MAGI2: variants seen among roughly 807,000 people sequenced by gnomAD.
MAGI2 encodes the protein membrane-associated guanylate kinase, WW and PDZ domain-containing protein 2.
A neutral mutation model predicts 133.3 loss-of-function variants in MAGI2; 35 were observed. The ratio of observed to expected loss-of-function variants is 0.26; its 90% CI spans 0.20 to 0.35. The LOEUF (loss-of-function observed/expected upper bound fraction) is 0.35, where lower values mean the gene tolerates loss of function less well. Among genes scored for constraint, MAGI2 ranks in the 10% least tolerant of loss-of-function variants. The probability of loss-of-function intolerance (pLI) is 1.00; values close to 1 mark genes in which losing one functional copy is unlikely to be tolerated. For synonymous variants in MAGI2, 729 were observed against 710.6 expected, an observed-to-expected ratio of 1.03 and a Z score of -0.41; for missense variants, 1,636 against 1,863.4, an observed-to-expected ratio of 0.88 and a Z score of 2.25.
chr7:79,002,728 G>A (rs145053332), intron 2 of MAGI2, among the ~76,000 whole-genome samples: 3 of 151,656 alleles, frequency 2.0e-5, no homozygotes, highest in East Asian at 3.9e-4. Context: ...CTGCACAATT[G>A]TCTTCTTAAG....
intron 2 of MAGI2, among the ~76,000 whole-genome samples, chr7:78,776,426 C>T (rs928797051): frequency 2.0e-5 from 3 of 152,182 alleles, no homozygotes; most frequent in African/African-American, 7.2e-5. Flanking sequence ...TCTCTTGAGA[C>T]ATTTATGATC....
intron 1 of MAGI2, among the ~76,000 whole-genome samples, chr7:79,436,810 T>C (rs1848174449): frequency 6.6e-6 from 1 of 152,140 alleles, no homozygotes; most frequent in Non-Finnish European, 1.5e-5. Flanking sequence ...GTAATAAAAA[T>C]AGAATTTCCA....
intron 20 of MAGI2, among the ~76,000 whole-genome samples, chr7:78,110,441 A>C (rs1002942203): frequency 3.9e-5 from 6 of 152,200 alleles, no homozygotes; most frequent in Non-Finnish European, 8.8e-5. Context: ...ATGAAAAATG[A>C]ATGCGCTGAA....
chr7:78,428,838 C>G (rs1478837094), intron 6 of MAGI2, among the ~76,000 whole-genome samples: 7 of 152,180 alleles, frequency 4.6e-5, no homozygotes, highest in African/African-American at 1.4e-4. Context: ...GACTGCCAAG[C>G]TATTTTCCAA....
intron 2 of MAGI2, among the ~76,000 whole-genome samples, chr7:78,943,230 A>C (rs750927657): frequency 1.9e-4 from 29 of 152,176 alleles, no homozygotes; most frequent in Non-Finnish European, 4.0e-4. Flanking sequence ...GGATATTTGA[A>C]GAACATTAAA....
At chr7:78,659,098 T>C (rs1729583234) in intron 2 of MAGI2, among the ~76,000 whole-genome samples, 1 of 152,126 alleles carries the variant, frequency 6.6e-6, no homozygotes, top group Admixed American at 6.6e-5. Flanking sequence ...TTAAACGAAC[T>C]ATGGTACAAC....
chr7:78,466,869 T>C (rs1790689384), intron 6 of MAGI2, among the ~76,000 whole-genome samples: 1 of 152,164 alleles, frequency 6.6e-6, no homozygotes, highest in Admixed American at 6.5e-5. Context: ...CCTCACTCAC[T>C]GCATCCTGTT....
chr7:78,597,639 TA>T (rs1554492527), intron 3 of MAGI2, among the ~76,000 whole-genome samples: 3 of 152,192 alleles, frequency 2.0e-5, no homozygotes, highest in Non-Finnish European at 4.4e-5. Context: ...TCGAGATACA[TA>T]AACTGCCCTT....
chr7:78,085,323 A>G (rs1472627178), intron 20 of MAGI2, among the ~76,000 whole-genome samples: 1 of 152,020 alleles, frequency 6.6e-6, no homozygotes, highest in African/African-American at 2.4e-5. Context: ...GAGTCCAGGA[A>G]TTCAAGACTA....
At chr7:78,049,085 G>A (rs1009301700) in intron 21 of MAGI2, among the ~76,000 whole-genome samples, 4 of 145,266 alleles carry the variant, frequency 2.8e-5, no homozygotes, top group African/African-American at 1.0e-4. Flanking sequence ...TCCAGCCTGC[G>A]CAACAGAGTG....
Position 78,364,960 on chromosome 7 carries a change from C to T in MAGI2, c.1103+4196G>A, listed in dbSNP as rs575921778. ...CAGGAAAAATTGGGCTAAGTTCTTTCTGCTGCTACATAGAGTGAGAACTTG... is the reference window on the plus strand; with the variant it reads ...CAGGAAAAATTGGGCTAAGTTCTTTTTGCTGCTACATAGAGTGAGAACTTG... On this transcript the variant is annotated intron_variant, in intron 7 of 21. Coordinates refer to ENST00000354212, the MANE Select transcript of MAGI2 (RefSeq NM_012301.4). 2.4e-4 allele frequency among the ~76,000 whole-genome samples: 37 copies of T among 152,324 alleles called. No individual in the cohort carries two copies. The South Asian group carries it at 7.5e-3, about 31-fold the overall frequency.
chr7:78,573,287 TATAAATATATATATTTATATATATAA>T (rs1801850266), intron 3 of MAGI2, among the ~76,000 whole-genome samples: 1 of 61,556 alleles, frequency 1.6e-5, no homozygotes, highest in Non-Finnish European at 2.6e-5. Flanking sequence ...TATATATTTA[TATAAATATATATATTTATATATATAA>T]ATATATAAAT....
chr7:78,601,819 CA>C lies in MAGI2; in HGVS notation c.538+25300del, dbSNP rs533666003. 1.0e-3 allele frequency among the ~76,000 whole-genome samples: 159 copies of C among 152,212 alleles called. 1 individual carries two copies. The highest frequency in any genetic ancestry group is 3.7e-3 in the African/African-American group (152 of 41,536). On this transcript the variant is annotated intron_variant, in intron 3 of 21. Transcript: ENST00000354212. ...AAAGAAACAAAAAATAATAATTATT[CA>C]TAGAAAATACTAAGTTTGGACGGCT...
At chr7:79,216,913 A>G (rs529626424) in intron 1 of MAGI2, among the ~76,000 whole-genome samples, 157 of 152,206 alleles carry the variant, frequency 1.0e-3, no homozygotes, top group Middle Eastern at 3.4e-3. Context: ...TCTAACATTT[A>G]CATTTAGTCA....
intron 2 of MAGI2, among the ~76,000 whole-genome samples, chr7:78,892,697 T>C (rs1267895434): frequency 2.0e-5 from 3 of 152,140 alleles, no homozygotes; most frequent in Admixed American, 6.5e-5. Context: ...TGAAACTGGA[T>C]CCCTTCCTTA....
intron 9 of MAGI2, among the ~76,000 whole-genome samples, chr7:78,310,428 C>T (rs1798607272): frequency 6.6e-6 from 1 of 152,040 alleles, no homozygotes; most frequent in Admixed American, 6.6e-5. Flanking sequence ...AGCGAGACTC[C>T]AGCTCAAAAA....
intron 1 of MAGI2, among the ~76,000 whole-genome samples, chr7:79,129,839 G>A (rs1261178624): frequency 2.0e-5 from 3 of 152,302 alleles, no homozygotes; most frequent in Admixed American, 1.3e-4. Flanking sequence ...GGTGTGAAAT[G>A]AAAATCTTGC....
intron 2 of MAGI2, among the ~76,000 whole-genome samples, chr7:78,682,168 G>A (rs1029240393): frequency 2.0e-5 from 3 of 151,952 alleles, no homozygotes; most frequent in African/African-American, 7.3e-5. Flanking sequence ...ATAAAATCGT[G>A]GAGTCAAGAT....
Position 78,788,159 on chromosome 7 carries a change from G to A in MAGI2, c.419-160920C>T, listed in dbSNP as rs542179788. 2.6e-4 allele frequency among the ~76,000 whole-genome samples: 40 copies of A among 152,246 alleles called. No individual in the cohort carries two copies. The South Asian group carries it at 5.4e-3, about 21-fold the overall frequency. ...CTTCTGCTTCTTGGGGTCCAATCAC[G>A]TGCTTTGGGAAAGGAAAGACCTGCA... On this transcript the variant is annotated intron_variant, in intron 2 of 21. Transcript: ENST00000354212.
Sources: gnomAD v4.1 joint callset for allele counts (sites outside exome capture counted in the v4.1 genomes callset) on GRCh38, gnomAD v4.1.1 for gene constraint, MANE v1.5 for transcripts, NCBI Gene and HGNC (gene_info 2026-07-23, HGNC 2026-07-21) for gene names.